CSMD3: variants seen among roughly 807,000 people sequenced by gnomAD.
CSMD3 encodes the protein CUB and sushi domain-containing protein 3.
CSMD3 carries 177 observed loss-of-function variants against 435.2 expected under a neutral mutation model. The ratio of observed to expected loss-of-function variants is 0.41; its 90% confidence interval spans 0.36 to 0.46. The LOEUF (loss-of-function observed/expected upper bound fraction) is 0.46. Among genes scored for constraint, CSMD3 ranks in the 20% least tolerant of loss-of-function variants. The pLI is 0.34. For missense variants in CSMD3, 4,265 were observed against 4,504.6 expected (o/e 0.95, Z 1.52); for synonymous variants, 1,656 against 1,520.5 (o/e 1.09, Z -2.07).
At chr8:112,387,591 T>A (rs1830088640) in intron 36 of CSMD3, among the ~76,000 whole-genome samples, 1 of 152,056 alleles carries the variant, frequency 6.6e-6, no homozygotes, top group Non-Finnish European at 1.5e-5. Context: ...AGTTTTTTTT[T>A]AGCGTGTTTA....
chr8:112,791,627 T>C (rs2078695245), intron 13 of CSMD3, among the ~76,000 whole-genome samples: 1 of 152,156 alleles, frequency 6.6e-6, no homozygotes, highest in Admixed American at 6.6e-5. Flanking sequence ...TGTTATATAC[T>C]CACCTATAAA....
intron 6 of CSMD3, among the ~76,000 whole-genome samples, chr8:112,998,057 T>C (rs2085721595): frequency 6.6e-6 from 1 of 151,600 alleles, no homozygotes; most frequent in South Asian, 2.1e-4. Context: ...CCTTTATCTT[T>C]CCTTCTATTC....
intron 30 of CSMD3, among the ~76,000 whole-genome samples, chr8:112,494,499 CTTTCTTTCTTTCTT>C (rs1563615203): frequency 1.8e-4 from 3 of 17,110 alleles, no homozygotes; most frequent in African/African-American, 5.1e-4. Context: ...TCTCTCCTTT[CTTTCTTTCTTTCTT>C]TCTTTCTTTC....
intron 6 of CSMD3, among the ~76,000 whole-genome samples, chr8:112,979,496 C>A (rs974042071): frequency 2.0e-5 from 3 of 151,370 alleles, no homozygotes; most frequent in African/African-American, 4.8e-5. Context: ...TAAAAATACT[C>A]AAAATTTTTG....
chr8:112,350,076 C>A (rs1328133153), intron 40 of CSMD3, among the ~76,000 whole-genome samples: 1 of 152,026 alleles, frequency 6.6e-6, no homozygotes, highest in Non-Finnish European at 1.5e-5. Context: ...ATACCATCTA[C>A]AAGCCAACAA....
intron 6 of CSMD3, among the ~76,000 whole-genome samples, chr8:112,995,194 G>A (rs1168291350): frequency 6.6e-6 from 1 of 151,442 alleles, no homozygotes; most frequent in Non-Finnish European, 1.5e-5. Flanking sequence ...TGTCTGAATT[G>A]CTACATAAGA....
At chr8:112,394,506 C>T (rs1830707429) in intron 35 of CSMD3, among the ~76,000 whole-genome samples, 1 of 152,274 alleles carries the variant, frequency 6.6e-6, no homozygotes, top group Middle Eastern at 3.4e-3. Flanking sequence ...TGGCCCTCTG[C>T]TCTGCCTCTC....
chr8:112,353,244 A>G (rs1011397060), intron 38 of CSMD3, among the ~76,000 whole-genome samples: 1 of 152,064 alleles, frequency 6.6e-6, no homozygotes, highest in Non-Finnish European at 1.5e-5. Context: ...TACAAAAATT[A>G]TCCAGGTGTG....
intron 12 of CSMD3, among the ~76,000 whole-genome samples, chr8:112,812,188 C>T (rs1412679445): frequency 1.3e-5 from 2 of 152,130 alleles, no homozygotes; most frequent in African/African-American, 4.8e-5. Context: ...TGGTGATCAA[C>T]AGCTTCCTGA....
At chr8:112,781,733 CAG>C (rs1420402741) in intron 13 of CSMD3, among the ~76,000 whole-genome samples, 2 of 152,112 alleles carry the variant, frequency 1.3e-5, no homozygotes, top group Non-Finnish European at 2.9e-5. Context: ...AGCATAAAGA[CAG>C]AGAGACTCTG....
chr8:112,749,101 G>C (rs910665741), intron 13 of CSMD3, among the ~76,000 whole-genome samples: 5 of 151,992 alleles, frequency 3.3e-5, no homozygotes, highest in Non-Finnish European at 7.4e-5. Context: ...GTGATATTGA[G>C]CTTTTTTTCA....
At chr8:113,355,293 T>TAC (rs751211441) in intron 1 of CSMD3, among the ~76,000 whole-genome samples, 20 of 152,068 alleles carry the variant, frequency 1.3e-4, no homozygotes, top group Non-Finnish European at 2.2e-4. Context: ...TATATATATA[T>TAC]ACACTTTGGC....
chr8:112,609,838 C>A (rs1415454986), intron 22 of CSMD3, among the ~76,000 whole-genome samples: 1 of 152,024 alleles, frequency 6.6e-6, no homozygotes, highest in African/African-American at 2.4e-5. Context: ...TATTATTTAG[C>A]ACTTAAAGAG....
At chr8:112,938,747 G>A (rs1224216036) in intron 9 of CSMD3, among the ~76,000 whole-genome samples, 1 of 152,100 alleles carries the variant, frequency 6.6e-6, no homozygotes, top group Non-Finnish European at 1.5e-5. Flanking sequence ...GACAAAAGTG[G>A]AAAGATAATG....
At chr8:112,616,580 G>A (rs1028914423) in intron 22 of CSMD3, among the ~76,000 whole-genome samples, 1 of 152,030 alleles carries the variant, frequency 6.6e-6, no homozygotes, top group Non-Finnish European at 1.5e-5. Flanking sequence ...GCAGCAAATG[G>A]AATGACTCAC....
chr8:113,283,147 G>A (rs563088982), intron 2 of CSMD3, among the ~76,000 whole-genome samples: 1 of 152,126 alleles, frequency 6.6e-6, no homozygotes, highest in African/African-American at 2.4e-5. Context: ...GATAACATTC[G>A]AAAAACTCTT....
chr8:112,573,986 G>A (rs913965459), intron 23 of CSMD3, among the ~76,000 whole-genome samples: 4 of 151,840 alleles, frequency 2.6e-5, no homozygotes, highest in Non-Finnish European at 5.9e-5. Context: ...TTCTAAAGTT[G>A]GTTACTTGGT....
intron 1 of CSMD3, among the ~76,000 whole-genome samples, chr8:113,422,685 CAAAG>C (rs1672112514): frequency 6.6e-6 from 1 of 151,904 alleles, no homozygotes; most frequent in Non-Finnish European, 1.5e-5. Flanking sequence ...GCAAAACAAA[CAAAG>C]AAACAAACAA....
intron 22 of CSMD3, among the ~76,000 whole-genome samples, chr8:112,628,345 C>A (rs954994772): frequency 3.9e-5 from 6 of 151,996 alleles, no homozygotes; most frequent in Non-Finnish European, 8.8e-5. Context: ...CAATCATAAT[C>A]ATAAGCTTCT....
Sources: gnomAD v4.1 joint callset for allele counts (sites outside exome capture counted in the v4.1 genomes callset) on GRCh38, gnomAD v4.1.1 for gene constraint, MANE v1.5 for transcripts, NCBI Gene and HGNC (gene_info 2026-07-23, HGNC 2026-07-21) for gene names.